ZNF423: variants seen among roughly 807,000 people sequenced by gnomAD.
The protein encoded by ZNF423 is Ebf-associated zinc finger protein.
Under a neutral mutation model 95.8 loss-of-function variants are expected in ZNF423, and 12 were observed. The observed-to-expected ratio is 0.13, with a 90% CI of 0.08 to 0.20. The LOEUF (loss-of-function observed/expected upper bound fraction) is 0.20, where lower values mean the gene tolerates loss of function less well. Ranked by LOEUF, ZNF423 falls within the 10% of genes least tolerant of loss-of-function variation. ZNF423 has a pLI of 1.00. For missense variants in ZNF423, 1,316 were observed against 1,737.1 expected, an observed-to-expected ratio of 0.76 and a Z score of 4.31; for synonymous variants, 749 against 711.9, an observed-to-expected ratio of 1.05 and a Z score of -0.83.
intron 1 of ZNF423, among the ~76,000 whole-genome samples, chr16:49,841,323 C>G (rs780415469): frequency 2.0e-5 from 3 of 152,148 alleles, no homozygotes; most frequent in Non-Finnish European, 4.4e-5. Flanking sequence ...ACTGTATGAC[C>G]TTGGACACCT....
At chr16:49,499,885 C>A (rs2241258) in intron 7 of ZNF423, among the ~76,000 whole-genome samples, 20,633 of 152,074 alleles carry the variant, frequency 0.14, 1,495 homozygotes, top group South Asian at 0.25. Context: ...TATTAGGAAC[C>A]CAGCCCGTAA....
chr16:49,854,259 G>C lies in ZNF423; in HGVS notation c.40+1476C>G, dbSNP rs1005651255. ...CTCAGGGAAAAGGAGGAGTAGGAAC[G>C]GGCCGGGCGCTCCGTTTGGACTCAG... On this transcript the variant is annotated intron_variant, in intron 1 of 7. Transcript: ENST00000563137. The C allele has an allele frequency of 7.1e-6, 7 of 985,210 alleles. No homozygotes were observed. In the South Asian group the frequency reaches 2.3e-4, roughly 33 times the overall value. The allele number at this position is 985,210 out of a possible 1,614,324, so 61.0% of individuals were successfully genotyped here. A position where few individuals can be genotyped will look rare whatever the true frequency, so the allele number is the denominator to read the frequency against.
chr16:49,675,987 C>T (rs146106077), intron 3 of ZNF423, among the ~76,000 whole-genome samples: 77 of 152,382 alleles, frequency 5.1e-4, no homozygotes, highest in African/African-American at 1.7e-3. Context: ...GACACACTCA[C>T]ACAGGCATGC....
At chr16:49,745,637 G>A (rs765974115) in intron 2 of ZNF423, among the ~76,000 whole-genome samples, 3 of 152,224 alleles carry the variant, frequency 2.0e-5, no homozygotes, top group African/African-American at 4.8e-5. Context: ...CGTTCGCAGC[G>A]TGGTGCAATT....
intron 7 of ZNF423, among the ~76,000 whole-genome samples, chr16:49,514,949 A>C (rs1968074991): frequency 6.6e-6 from 1 of 152,258 alleles, no homozygotes; most frequent in Non-Finnish European, 1.5e-5. Flanking sequence ...CACAGCTCCA[A>C]GATCCCAGAA....
At chr16:49,629,671 T>G (rs1258208138) in intron 4 of ZNF423, among the ~76,000 whole-genome samples, 2 of 152,226 alleles carry the variant, frequency 1.3e-5, no homozygotes, top group Non-Finnish European at 2.9e-5. Context: ...TCTTGCACCA[T>G]GAGCACCCAG....
intron 5 of ZNF423, among the ~76,000 whole-genome samples, chr16:49,565,951 C>A (rs1362883898): frequency 6.6e-6 from 1 of 151,924 alleles, no homozygotes; most frequent in Non-Finnish European, 1.5e-5. Context: ...GTGATAGGAA[C>A]AAGGTGGGTG....
At position 49,769,893 on chromosome 16, in the gene ZNF423, G is replaced by A. The variant is rs568401306; in HGVS notation, c.100+19594C>T. Among the ~76,000 whole-genome samples the A allele has an allele frequency of 3.9e-5, 6 of 152,006 alleles. No homozygotes were observed. The East Asian group carries it at 5.8e-4, about 15-fold the overall frequency. Reference sequence around the variant, plus strand: ...GGGGAACGCCTGGGACACTGCTTCCGCTGCTGTGCATGGCTCTAACGCCCC... The same window carrying A: ...GGGGAACGCCTGGGACACTGCTTCCACTGCTGTGCATGGCTCTAACGCCCC... On this transcript the variant is annotated intron_variant, in intron 2 of 7. Coordinates refer to ENST00000563137, the MANE Select transcript of ZNF423 (RefSeq NM_001379286.1).
chr16:49,810,088 G>A (rs954448024), intron 1 of ZNF423, among the ~76,000 whole-genome samples: 5 of 152,096 alleles, frequency 3.3e-5, no homozygotes, highest in Non-Finnish European at 5.9e-5. Context: ...GTCCACCCTT[G>A]GGAAGACAAA....
chr16:49,613,085 G>C (rs1262867022), intron 5 of ZNF423, among the ~76,000 whole-genome samples: 2 of 150,772 alleles, frequency 1.3e-5, no homozygotes, highest in Non-Finnish European at 2.9e-5. Flanking sequence ...AGACAGTAAA[G>C]ATGTCATTTC....
chr16:49,783,621 C>T (rs149375190), intron 2 of ZNF423, among the ~76,000 whole-genome samples: 1,493 of 28,206 alleles, frequency 0.053, 16 homozygotes, highest in Non-Finnish European at 0.067. Flanking sequence ...CTGGGATTGG[C>T]GGGAGAGAGG....
intron 1 of ZNF423, among the ~76,000 whole-genome samples, chr16:49,835,235 C>A (rs1395063669): frequency 6.6e-6 from 1 of 152,154 alleles, no homozygotes; most frequent in African/African-American, 2.4e-5. Flanking sequence ...TCAGTGCTGG[C>A]CCCCTGGCTC....
At chr16:49,574,015 C>T (rs1182792249) in intron 5 of ZNF423, among the ~76,000 whole-genome samples, 2 of 152,204 alleles carry the variant, frequency 1.3e-5, no homozygotes, top group Admixed American at 1.3e-4. Context: ...GGCTGAGCCC[C>T]ATTTGCCAGG....
At chr16:49,819,848 G>A (rs1021789238) in intron 1 of ZNF423, among the ~76,000 whole-genome samples, 3 of 152,130 alleles carry the variant, frequency 2.0e-5, no homozygotes, top group African/African-American at 7.2e-5. Context: ...CTGTACTTCA[G>A]TACAGTACTC....
At chr16:49,844,390 C>T (rs982766513) in intron 1 of ZNF423, among the ~76,000 whole-genome samples, 1 of 152,294 alleles carries the variant, frequency 6.6e-6, no homozygotes, top group African/African-American at 2.4e-5. Context: ...ACAAAGCCCT[C>T]GATAAACAGC....
chr16:49,722,912 T>C (rs1009289882), intron 3 of ZNF423, among the ~76,000 whole-genome samples: 3 of 152,082 alleles, frequency 2.0e-5, no homozygotes, highest in Admixed American at 1.3e-4. Flanking sequence ...TATTTCCTTA[T>C]GGTTTAAATT....
chr16:49,558,866 AAGG>A (rs1219586646), intron 5 of ZNF423, among the ~76,000 whole-genome samples: 2 of 152,236 alleles, frequency 1.3e-5, no homozygotes, highest in East Asian at 3.9e-4. Context: ...GGGAAGCACC[AAGG>A]TGTACCTGGA....
At chr16:49,499,651 T>A (rs1309487895) in intron 7 of ZNF423, among the ~76,000 whole-genome samples, 2 of 152,234 alleles carry the variant, frequency 1.3e-5, no homozygotes, top group East Asian at 3.9e-4. Flanking sequence ...CCCCCCACTT[T>A]CCGTGAACCC....
At chr16:49,502,913 TACACACACACAC>T (rs55819934) in intron 7 of ZNF423, among the ~76,000 whole-genome samples, 26 of 122,812 alleles carry the variant, frequency 2.1e-4, no homozygotes, top group Middle Eastern at 4.1e-3. Flanking sequence ...TGTGCACGCA[TACACACACACAC>T]ACACACACAC....
Sources: gnomAD v4.1 joint callset for allele counts (sites outside exome capture counted in the v4.1 genomes callset) on GRCh38, gnomAD v4.1.1 for gene constraint, MANE v1.5 for transcripts, NCBI Gene and HGNC (gene_info 2026-07-23, HGNC 2026-07-21) for gene names.